The following CHN1 variants were observed in gnomAD, a reference collection of about 807,000 sequenced individuals.
CHN1 encodes the protein chimerin 1, also known as N-chimaerin.
In CHN1, 37 loss-of-function variants were observed where a neutral mutation model predicts 59.5. The ratio of observed to expected loss-of-function variants is 0.62; its 90% CI spans 0.48 to 0.82. The LOEUF is 0.82. Among genes scored for constraint, CHN1 ranks in the 40% least tolerant of loss-of-function variants. The pLI, the probability that CHN1 is intolerant of heterozygous loss-of-function variation, is 0.00. For missense variants in CHN1, 469 were observed against 571.0 expected, an observed-to-expected ratio of 0.82 and a Z score of 1.82; for synonymous variants, 206 against 200.4, an observed-to-expected ratio of 1.03 and a Z score of -0.24.
At chr2:174,846,599 CATT>C (rs1010002623) in intron 7 of CHN1, among the ~76,000 whole-genome samples, 1 of 152,196 alleles carries the variant, frequency 6.6e-6, no homozygotes, top group Non-Finnish European at 1.5e-5. Context: ...CCAAAATCAT[CATT>C]AACTGAGACC....
chr2:174,983,172 T>C (rs1022832794), intron 1 of CHN1, among the ~76,000 whole-genome samples: 8 of 152,222 alleles, frequency 5.3e-5, no homozygotes, highest in Admixed American at 3.9e-4. Flanking sequence ...GTGATCAGTT[T>C]GAAATTAATC....
chr2:174,887,295 T>A (rs764230172), intron 5 of CHN1, among the ~76,000 whole-genome samples: 2 of 151,854 alleles, frequency 1.3e-5, no homozygotes, highest in African/African-American at 2.4e-5. Context: ...ACCTATTAGA[T>A]GAAAAAAAGA....
chr2:174,915,005 T>C (rs1558979644), intron 5 of CHN1, 53 bp downstream of exon 5: 6 of 1,094,296 alleles, frequency 5.5e-6, no homozygotes, highest in South Asian at 1.5e-5. Flanking sequence ...TAAAGCCCTA[T>C]ATTAAGAGAG....
In CHN1 at chr2:174,951,476, G is replaced by A. The variant is rs536835530; in HGVS notation, c.58+688C>T. On this transcript the variant is annotated intron_variant, in intron 2 of 12. Transcript: ENST00000409900. ...CTGCTTATTCAACTACAGAAACAAC[G>A]AACAAGAACTTATAGTGCTTTTCCA... Among the ~76,000 whole-genome samples the A allele has an allele frequency of 5.3e-5, 8 of 152,226 alleles. 1 individual carries two copies. Among genetic ancestry groups the A allele is most frequent in the African/African-American group, 1.9e-4 (8 of 41,552 alleles).
chr2:174,812,247 G>A, intron 9 of CHN1, 62 bp downstream of exon 9: 2 of 1,399,710 alleles, frequency 1.4e-6, no homozygotes, highest in East Asian at 2.4e-5. Context: ...TACCCAAAAG[G>A]CATCAGGATT....
Position 174,880,709 on chromosome 2 carries a change from A to C in CHN1, c.261-2581T>G, listed in dbSNP as rs1026225567. ...TATCGCTTGGTAACCCCAGTGGTAA[A>C]AAGATAAAACAGGTCAATACAAATA... is the stretch of plus-strand genomic sequence containing the variant. On this transcript the variant is annotated intron_variant, in intron 5 of 12. Coordinates refer to ENST00000409900, the MANE Select transcript of CHN1 (RefSeq NM_001822.7). 3.3e-5 allele frequency among the ~76,000 whole-genome samples: 5 copies of C among 152,284 alleles called. No individual in the cohort carries two copies. In the East Asian group the frequency reaches 9.7e-4, roughly 29 times the overall value.
At chr2:174,825,143 C>T (rs562181462) in intron 7 of CHN1, among the ~76,000 whole-genome samples, 1 of 152,294 alleles carries the variant, frequency 6.6e-6, no homozygotes, top group East Asian at 1.9e-4. Context: ...ATGTACTATG[C>T]TATTTCTACA....
At chr2:174,854,563 G>A (rs1156674805) in intron 6 of CHN1, among the ~76,000 whole-genome samples, 1 of 152,172 alleles carries the variant, frequency 6.6e-6, no homozygotes, top group Non-Finnish European at 1.5e-5. Flanking sequence ...AGACAAAAGT[G>A]CTAACCTTAA....
chr2:174,968,529 G>A (rs1690660816), intron 1 of CHN1, among the ~76,000 whole-genome samples: 1 of 152,224 alleles, frequency 6.6e-6, no homozygotes, highest in African/African-American at 2.4e-5. Context: ...TGCTTTTATG[G>A]CATACACAAC....
chr2:174,955,641 T>C (rs1426965334), intron 1 of CHN1, among the ~76,000 whole-genome samples: 1 of 151,538 alleles, frequency 6.6e-6, no homozygotes, highest in African/African-American at 2.4e-5. Flanking sequence ...AATAAATAAA[T>C]TGAAAAACAA....
At chr2:174,860,832 A>G (rs1687047185) in intron 6 of CHN1, among the ~76,000 whole-genome samples, 1 of 152,028 alleles carries the variant, frequency 6.6e-6, no homozygotes, top group South Asian at 2.1e-4. Context: ...CTCACAGATG[A>G]CTTCTACACC....
chr2:174,846,415 T>C (rs1381218316), intron 7 of CHN1: 1 of 1,542,094 alleles, frequency 6.5e-7, no homozygotes, highest in Non-Finnish European at 8.7e-7. Flanking sequence ...GTCAATTCAT[T>C]AACAGGGGAG....
intron 11 of CHN1, chr2:174,802,132 C>T (rs897885727): frequency 1.2e-4 from 35 of 286,168 alleles, no homozygotes; most frequent in African/African-American, 6.8e-4. Context: ...AAAATTCAGA[C>T]GTGTCGACAC....
At chr2:174,891,294 G>A (rs35324615) in intron 5 of CHN1, among the ~76,000 whole-genome samples, 16,166 of 151,808 alleles carry the variant, frequency 0.11, 1,924 homozygotes, top group African/African-American at 0.3. Flanking sequence ...AAAATAGGCC[G>A]GGAGCGGTGG....
At chr2:174,932,580 A>T (rs1322393528) in intron 3 of CHN1, among the ~76,000 whole-genome samples, 1 of 152,164 alleles carries the variant, frequency 6.6e-6, no homozygotes, top group African/African-American at 2.4e-5. Context: ...AGTTAGTGAT[A>T]TGGTTTAGAT....
chr2:174,801,734 A>G lies in CHN1; in HGVS notation c.1181T>C (p.Leu394Pro). 6.2e-7 allele frequency: 1 copy of G among 1,613,388 alleles called. No homozygotes were observed. Among genetic ancestry groups the G allele is most frequent in the Non-Finnish European group, 8.5e-7 (1 of 1,179,440 alleles). ...KLLPPAHCETLRYLMAHLKRV... is the reference protein window; with the variant it reads ...KLLPPAHCETPRYLMAHLKRV... ...CTTTAGATGTGCCATGAGGTACCGG[A>G]GGGTTTCGCAGTGAGCAGGTGGCAG... is the stretch of plus-strand genomic sequence containing the variant. Residue 394 changes from leucine to proline, a missense_variant, in exon 12 of 13, where the codon CTC becomes CCC. Coordinates refer to ENST00000409900, the MANE Select transcript of CHN1 (RefSeq NM_001822.7).
intron 5 of CHN1, among the ~76,000 whole-genome samples, chr2:174,912,073 C>T (rs1305468382): frequency 6.6e-6 from 1 of 152,096 alleles, no homozygotes; most frequent in African/African-American, 2.4e-5. Flanking sequence ...CATACAGGTA[C>T]AGCACCCAGG....
intron 5 of CHN1, among the ~76,000 whole-genome samples, chr2:174,911,055 A>G (rs771666029): frequency 5.9e-5 from 9 of 152,208 alleles, no homozygotes; most frequent in Non-Finnish European, 1.2e-4. Flanking sequence ...ACTAAATAAC[A>G]TAGTATTTGA....
chr2:174,820,518 T>C (rs2105396107), intron 8 of CHN1, among the ~76,000 whole-genome samples: 1 of 152,390 alleles, frequency 6.6e-6, no homozygotes, highest in South Asian at 2.1e-4. Context: ...CAGTTAGCTA[T>C]GCCCTTGCAA....
Sources: gnomAD v4.1 joint callset for allele counts (sites outside exome capture counted in the v4.1 genomes callset) on GRCh38, gnomAD v4.1.1 for gene constraint, MANE v1.5 for transcripts, NCBI Gene and HGNC (gene_info 2026-07-23, HGNC 2026-07-21) for gene names.